Variants in ZNF385D observed in about 807,000 individuals in gnomAD.
The protein encoded by ZNF385D is zinc finger protein 385D.
In ZNF385D, 15 loss-of-function variants were observed where a neutral mutation model predicts 35.8. That is an observed-to-expected ratio of 0.42 (90% confidence interval 0.28 to 0.64). The LOEUF (loss-of-function observed/expected upper bound fraction) is 0.64. Ranked by LOEUF, ZNF385D falls within the 30% of genes least tolerant of loss-of-function variation. The probability of loss-of-function intolerance (pLI) is 0.23; values close to 1 mark genes in which losing one functional copy is unlikely to be tolerated. For missense variants in ZNF385D, 474 were observed against 494.6 expected (o/e 0.96, Z 0.39); for synonymous variants, 212 against 186.8 (o/e 1.13, Z -1.10).
intron 3 of ZNF385D, among the ~76,000 whole-genome samples, chr3:21,819,407 TAA>T (rs2073294893): frequency 6.6e-6 from 1 of 151,046 alleles, no homozygotes; most frequent in South Asian, 2.1e-4. Context: ...AATCTGAAAG[TAA>T]AACGGTGAGA....
Position 22,132,534 on chromosome 3 carries a change from G to C in ZNF385D, c.325+36283C>G, listed in dbSNP as rs1249121816. Among the ~76,000 whole-genome samples, 4 of 152,164 alleles carry C rather than the reference G, an allele frequency of 2.6e-5. No individual in the cohort carries two copies. The East Asian group carries it at 7.7e-4, about 29-fold the overall frequency. Reference sequence around the variant, plus strand: ...GGTAAGTTTCAGAGGATAGTTGGCAGAATCAATGCAAAAAATTAGCCCAAA... The same window carrying C: ...GGTAAGTTTCAGAGGATAGTTGGCACAATCAATGCAAAAAATTAGCCCAAA... On this transcript the variant is annotated intron_variant, in intron 3 of 5. Coordinates refer to the ZNF385D transcript ENST00000494108.
In ZNF385D at chr3:21,492,334, A is replaced by C. The variant is rs1705482043; in HGVS notation, c.439+18527T>G. Among the ~76,000 whole-genome samples the C allele has an allele frequency of 2.6e-5, 4 of 151,984 alleles. No homozygotes were observed. In the South Asian group the frequency reaches 8.3e-4, roughly 31 times the overall value. The stretch of plus-strand genomic sequence containing the variant: ...CTAAATTGAATCAACTTGATGACAA[A>C]GTGCCCACAAATTGAATGGGTTTGC... On this transcript the variant is annotated intron_variant, in intron 4 of 7. Coordinates refer to ENST00000281523, the MANE Select transcript of ZNF385D (RefSeq NM_024697.3).
intron 2 of ZNF385D, among the ~76,000 whole-genome samples, chr3:22,306,984 G>A (rs938719231): frequency 6.6e-6 from 1 of 152,140 alleles, no homozygotes; most frequent in Admixed American, 6.6e-5. Context: ...ATGCATTAGA[G>A]TTTCAAGAAG....
chr3:22,128,334 TG>T (rs1703564735), intron 3 of ZNF385D, among the ~76,000 whole-genome samples: 1 of 152,152 alleles, frequency 6.6e-6, no homozygotes, highest in Non-Finnish European at 1.5e-5. Flanking sequence ...TCTTGACTTT[TG>T]GGAGTCTGAT....
At position 22,294,188 on chromosome 3, in the gene ZNF385D, T is replaced by C. The variant is rs140721496; in HGVS notation, c.106+78262A>G. 1.7e-3 allele frequency among the ~76,000 whole-genome samples: 253 copies of C among 152,228 alleles called. 1 individual carries two copies. The highest frequency in any genetic ancestry group is 6.0e-3 in the African/African-American group (250 of 41,552). Reference sequence around the variant, plus strand: ...GTGCTACTACAGAAAAGTGCCACTATACTGGGTAGGTATAGGAAACAAAAC... The same window carrying C: ...GTGCTACTACAGAAAAGTGCCACTACACTGGGTAGGTATAGGAAACAAAAC... On this transcript the variant is annotated intron_variant, in intron 2 of 5. Coordinates refer to the ZNF385D transcript ENST00000494108.
intron 3 of ZNF385D, among the ~76,000 whole-genome samples, chr3:22,039,129 A>G (rs1408987464): frequency 6.6e-6 from 1 of 151,850 alleles, no homozygotes; most frequent in Non-Finnish European, 1.5e-5. Flanking sequence ...GGAAGCATAT[A>G]GCAAAACTAT....
At chr3:22,356,488 T>C (rs1434422089) in intron 2 of ZNF385D, among the ~76,000 whole-genome samples, 2 of 151,958 alleles carry the variant, frequency 1.3e-5, no homozygotes, top group Non-Finnish European at 2.9e-5. Context: ...AGACACAATG[T>C]TGTCCTTGGC....
chr3:21,995,967 G>C (rs1695440689), intron 3 of ZNF385D, among the ~76,000 whole-genome samples: 1 of 152,118 alleles, frequency 6.6e-6, no homozygotes, highest in South Asian at 2.1e-4. Flanking sequence ...GGACCTGGCT[G>C]CACCACTGAG....
chr3:21,898,574 A>G (rs550146339), intron 3 of ZNF385D, among the ~76,000 whole-genome samples: 1 of 152,262 alleles, frequency 6.6e-6, no homozygotes, highest in African/African-American at 2.4e-5. Flanking sequence ...ATAACTTCCA[A>G]TTTACCAGAA....
At chr3:21,819,982 A>G (rs2125731446) in intron 3 of ZNF385D, among the ~76,000 whole-genome samples, 1 of 150,854 alleles carries the variant, frequency 6.6e-6, no homozygotes, top group East Asian at 1.9e-4. Flanking sequence ...AACTACAGGG[A>G]GAAATCAATG....
chr3:21,828,990 C>A (rs190943721), intron 3 of ZNF385D, among the ~76,000 whole-genome samples: 154 of 152,260 alleles, frequency 1.0e-3, no homozygotes, highest in African/African-American at 3.6e-3. Context: ...TAAGGAAGGG[C>A]CCATCTGGAT....
chr3:21,484,282 G>A (rs1478070), intron 4 of ZNF385D, among the ~76,000 whole-genome samples: 2 of 152,004 alleles, frequency 1.3e-5, no homozygotes, highest in Non-Finnish European at 2.9e-5. Flanking sequence ...TAGGGTGCCA[G>A]TAGAAGTGGT....
At chr3:22,313,531 C>T (rs1316654269) in intron 2 of ZNF385D, among the ~76,000 whole-genome samples, 1 of 151,796 alleles carries the variant, frequency 6.6e-6, no homozygotes, top group South Asian at 2.1e-4. Context: ...GTGTAGATGT[C>T]ACATTTAACA....
intron 3 of ZNF385D, among the ~76,000 whole-genome samples, chr3:22,019,747 C>G (rs1326049530): frequency 1.3e-5 from 2 of 151,820 alleles, no homozygotes; most frequent in South Asian, 2.1e-4. Context: ...TATGCAGGAA[C>G]AGCTACATTA....
chr3:22,004,422 T>G (rs1228484460), intron 3 of ZNF385D, among the ~76,000 whole-genome samples: 1 of 151,996 alleles, frequency 6.6e-6, no homozygotes, highest in Non-Finnish European at 1.5e-5. Context: ...AAAACAAAAA[T>G]AGACAAATGA....
chr3:22,229,916 T>A (rs1030546512), intron 2 of ZNF385D, among the ~76,000 whole-genome samples: 3 of 152,324 alleles, frequency 2.0e-5, no homozygotes, highest in Admixed American at 6.5e-5. Context: ...GGCTCAACAT[T>A]GTACTGCCCA....
chr3:21,553,430 G>T (rs957717533), intron 3 of ZNF385D, among the ~76,000 whole-genome samples: 1 of 152,060 alleles, frequency 6.6e-6, no homozygotes, highest in Non-Finnish European at 1.5e-5. Context: ...TTTAAAATAT[G>T]CTATTGCTGA....
intron 1 of ZNF385D, among the ~76,000 whole-genome samples, chr3:21,743,276 T>A (rs762700342): frequency 2.6e-5 from 4 of 152,216 alleles, no homozygotes; most frequent in East Asian, 3.9e-4. Flanking sequence ...GGACTTTTTT[T>A]ATAAGCATTG....
intron 3 of ZNF385D, among the ~76,000 whole-genome samples, chr3:21,977,695 G>A (rs1203301065): frequency 6.6e-6 from 1 of 151,810 alleles, no homozygotes; most frequent in East Asian, 1.9e-4. Flanking sequence ...CAAATTAGCT[G>A]GCATGGTGGG....
Sources: allele counts gnomAD v4.1 joint callset (sites outside exome capture counted in the v4.1 genomes callset), GRCh38; gene constraint gnomAD v4.1.1; transcripts MANE v1.5; gene names NCBI Gene and HGNC (gene_info 2026-07-23, HGNC 2026-07-21).